The following PPP1R12A variants were observed in gnomAD, a reference collection of about 807,000 sequenced individuals.
The protein encoded by PPP1R12A is protein phosphatase 1 regulatory subunit 12A.
PPP1R12A carries 19 observed loss-of-function variants against 139.6 expected under a neutral mutation model. That is an observed-to-expected ratio of 0.14 (90% CI 0.09 to 0.20). The LOEUF is 0.20. Among genes scored for constraint, PPP1R12A ranks in the 10% least tolerant of loss-of-function variants. The pLI, the probability that PPP1R12A is intolerant of heterozygous loss-of-function variation, is 1.00. For missense variants in PPP1R12A, 925 were observed against 1,211.5 expected (o/e 0.76, Z 3.51); for synonymous variants, 427 against 420.6 (o/e 1.02, Z -0.19).
At chr12:79,821,020 T>C in intron 7 of PPP1R12A, 58 bp downstream of exon 7, 1 of 1,590,714 alleles carries the variant, frequency 6.3e-7, no homozygotes, top group Non-Finnish European at 8.6e-7. Flanking sequence ...ATCATGCCTG[T>C]GGCCACTATG....
In PPP1R12A at chr12:79,829,196, CACAG is replaced by C. The variant is rs529163582; in HGVS notation, c.648-736_648-733del. Among the ~76,000 whole-genome samples, 5 of 152,246 alleles carry C rather than the reference CACAG, an allele frequency of 3.3e-5. No individual in the cohort carries two copies. The South Asian group carries it at 1.0e-3, about 32-fold the overall frequency. On this transcript the variant is annotated intron_variant, in intron 4 of 24. Transcript: ENST00000450142. ...CTTTATTTTATTTAGACATTAAGCT[CACAG>C]ACAGCAAGGATGGGTCTATAAACTG...
intron 3 of PPP1R12A, among the ~76,000 whole-genome samples, chr12:79,842,779 C>T (rs1878894528): frequency 6.6e-6 from 1 of 152,104 alleles, no homozygotes; most frequent in Non-Finnish European, 1.5e-5. Flanking sequence ...GATCAGATCA[C>T]TGCAGCCTGG....
rs573181847 is a variant in PPP1R12A at position 79,923,231 on chromosome 12, G to A, written c.237+11464C>T. Among the ~76,000 whole-genome samples, 84 of 152,212 alleles carry A rather than the reference G, an allele frequency of 5.5e-4. 2 individuals carry two copies. Among genetic ancestry groups the A allele is most frequent in the Non-Finnish European group, 5.1e-4 (35 of 68,022 alleles). On this transcript the variant is annotated intron_variant, in intron 1 of 24. Coordinates refer to ENST00000450142, the MANE Select transcript of PPP1R12A (RefSeq NM_002480.3). ...GGTAGTTGCAGTCAGCCGAGATCAC[G>A]CCCCTGCACTCCAGCCTGAGCTGCT...
At chr12:79,900,311 A>G (rs558611694) in intron 1 of PPP1R12A, among the ~76,000 whole-genome samples, 45 of 152,286 alleles carry the variant, frequency 3.0e-4, no homozygotes, top group Non-Finnish European at 6.3e-4. Flanking sequence ...TAATGATGTC[A>G]TATCTACACA....
intron 2 of PPP1R12A, among the ~76,000 whole-genome samples, chr12:79,864,846 A>C (rs1182139872): frequency 6.6e-6 from 1 of 152,226 alleles, no homozygotes; most frequent in Non-Finnish European, 1.5e-5. Flanking sequence ...AACCAAAAAA[A>C]GTCCAGGACC....
intron 1 of PPP1R12A, among the ~76,000 whole-genome samples, chr12:79,900,448 T>C (rs1271085098): frequency 6.6e-6 from 1 of 152,182 alleles, no homozygotes; most frequent in Non-Finnish European, 1.5e-5. Context: ...GGCACACAAA[T>C]ATTTGCTGAA....
At chr12:79,844,971 T>C (rs1879210992) in intron 3 of PPP1R12A, among the ~76,000 whole-genome samples, 1 of 152,206 alleles carries the variant, frequency 6.6e-6, no homozygotes, top group Admixed American at 6.5e-5. Flanking sequence ...GTGAGCCTTC[T>C]TGACCACACT....
intron 20 of PPP1R12A, 102 bp from the exon 21 acceptor site, chr12:79,788,885 G>C: frequency 1.0e-6 from 1 of 980,606 alleles, no homozygotes; most frequent in Non-Finnish European, 1.4e-6. Flanking sequence ...AAAAGAGTAG[G>C]TCACAGTCTC....
intron 18 of PPP1R12A, among the ~76,000 whole-genome samples, chr12:79,794,157 GTTA>G (rs1565742094): frequency 6.6e-6 from 1 of 151,764 alleles, no homozygotes; most frequent in African/African-American, 2.4e-5. Context: ...ATACTATTAT[GTTA>G]CTTCTATAAA....
At chr12:79,782,162 A>G (rs900161958) in intron 22 of PPP1R12A, 3 of 205,360 alleles carry the variant, frequency 1.5e-5, no homozygotes, top group Non-Finnish European at 2.9e-5. Context: ...ACAAAAAAAA[A>G]CTGTAGCTTT....
intron 4 of PPP1R12A, among the ~76,000 whole-genome samples, chr12:79,831,561 C>T (rs1284370920): frequency 6.6e-6 from 1 of 152,118 alleles, no homozygotes; most frequent in Non-Finnish European, 1.5e-5. Flanking sequence ...TTCTTTACTG[C>T]TTTTACTAAT....
At chr12:79,836,286 T>C (rs1878072230) in intron 3 of PPP1R12A, among the ~76,000 whole-genome samples, 1 of 152,214 alleles carries the variant, frequency 6.6e-6, no homozygotes, top group East Asian at 1.9e-4. Context: ...GTAACCTTTC[T>C]ATTAAGTGAT....
At chr12:79,925,446 A>C (rs1003488536) in intron 1 of PPP1R12A, among the ~76,000 whole-genome samples, 5 of 152,230 alleles carry the variant, frequency 3.3e-5, no homozygotes, top group African/African-American at 1.2e-4. Context: ...TGTTAAACTA[A>C]GAAAATAGTA....
At chr12:79,905,730 C>A (rs1886055066) in intron 1 of PPP1R12A, among the ~76,000 whole-genome samples, 2 of 152,140 alleles carry the variant, frequency 1.3e-5, no homozygotes, top group Admixed American at 6.5e-5. Flanking sequence ...GATTTTGAAT[C>A]AAGCATCTCC....
In PPP1R12A at chr12:79,809,840, T is replaced by G. The variant is rs184111440; in HGVS notation, c.1410A>C (p.Ser470=). ...AGGAGGAAAGTCTGGGACTTGAAGCTGAACGTGTAACACCTGCAGTATCTT... is the reference window on the plus strand; with the variant it reads ...AGGAGGAAAGTCTGGGACTTGAAGCGGAACGTGTAACACCTGCAGTATCTT... ...KEKDTAGVTR[S]ASSPRLSSSL... The change falls in exon 10 of 25, where the codon TCA becomes TCC. Residue 470 remains serine, a synonymous_variant. Transcript: ENST00000450142. 1,516 of 1,613,560 alleles carry G rather than the reference T, an allele frequency of 9.4e-4. 14 individuals are homozygous for G. In the Admixed American group the frequency reaches 0.011, roughly 12 times the overall value.
chr12:79,806,433 A>T (rs935286416), intron 12 of PPP1R12A, 100 bp from the exon 13 acceptor site: 35 of 1,126,752 alleles, frequency 3.1e-5, no homozygotes, highest in East Asian at 7.3e-5. Flanking sequence ...AAAAAAATTT[A>T]AAAACTGTGT....
intron 2 of PPP1R12A, among the ~76,000 whole-genome samples, chr12:79,857,566 TATA>T (rs1183041760): frequency 2.0e-5 from 3 of 151,608 alleles, no homozygotes; most frequent in East Asian, 3.9e-4. Flanking sequence ...GAACTTAAAG[TATA>T]ATAATAATAA....
intron 1 of PPP1R12A, among the ~76,000 whole-genome samples, chr12:79,921,468 C>G (rs1887431709): frequency 6.6e-6 from 1 of 152,150 alleles, no homozygotes; most frequent in African/African-American, 2.4e-5. Flanking sequence ...ATAAAAGGCT[C>G]AAAACATCTG....
chr12:79,888,973 T>C (rs1191448813), intron 1 of PPP1R12A, among the ~76,000 whole-genome samples: 1 of 152,202 alleles, frequency 6.6e-6, no homozygotes, highest in Non-Finnish European at 1.5e-5. Flanking sequence ...ATTCTGCAGA[T>C]ACAATCACAT....
Sources: allele counts gnomAD v4.1 joint callset (sites outside exome capture counted in the v4.1 genomes callset), GRCh38; gene constraint gnomAD v4.1.1; transcripts MANE v1.5; gene names NCBI Gene and HGNC (gene_info 2026-07-23, HGNC 2026-07-21).